Variants in PRMT3 observed in about 807,000 individuals in gnomAD.
PRMT3 encodes protein arginine methyltransferase 3, also known as protein arginine N-methyltransferase 3.
In PRMT3, 62 loss-of-function variants were observed where a neutral mutation model predicts 71.9. The observed-to-expected ratio is 0.86, with a 90% CI of 0.70 to 1.07. PRMT3 has a LOEUF of 1.07. PRMT3 is among the 50% of genes least tolerant of loss of function. The probability of loss-of-function intolerance (pLI) is 0.00; values close to 1 mark genes in which losing one functional copy is unlikely to be tolerated. For missense variants in PRMT3, 663 were observed against 643.0 expected, an observed-to-expected ratio of 1.03 and a Z score of -0.34; for synonymous variants, 213 against 220.4, an observed-to-expected ratio of 0.97 and a Z score of 0.30.
intron 10 of PRMT3, among the ~76,000 whole-genome samples, chr11:20,445,619 GATC>G (rs1253695393): frequency 6.6e-6 from 1 of 152,056 alleles, no homozygotes; most frequent in East Asian, 1.9e-4. Flanking sequence ...ACACCTGTGT[GATC>G]ATCAGCCAGG....
At chr11:20,463,893 G>A (rs1346810261) in intron 12 of PRMT3, among the ~76,000 whole-genome samples, 2 of 27,504 alleles carry the variant, frequency 7.3e-5, no homozygotes, top group African/African-American at 1.0e-4. Context: ...TTTTTTCTCT[G>A]GATCGAAATC....
In PRMT3 at chr11:20,389,819, T is replaced by TA; in HGVS notation, c.243dup (p.His82ThrfsTer4). On this transcript the variant is annotated frameshift_variant, in exon 3 of 16. Coordinates refer to ENST00000331079, the MANE Select transcript of PRMT3 (RefSeq NM_005788.4). LOFTEE classifies it high-confidence loss of function. ...AGTTTAATATTGACAGCATGGTTCA[T>TA]AAACATGGTGAGTAGTTTTTAGAAT... The TA allele has an allele frequency of 6.2e-7, 1 of 1,607,246 alleles. No individual in the cohort carries two copies. The highest frequency in any genetic ancestry group is 8.5e-7 in the Non-Finnish European group (1 of 1,174,076).
intron 7 of PRMT3, among the ~76,000 whole-genome samples, chr11:20,402,332 T>G (rs1450499449): frequency 6.6e-6 from 1 of 152,128 alleles, no homozygotes; most frequent in Non-Finnish European, 1.5e-5. Flanking sequence ...TTGGTCAGGC[T>G]GGTCTCGAAC....
intron 9 of PRMT3, among the ~76,000 whole-genome samples, chr11:20,424,183 CAAA>C (rs59351768): frequency 1.2e-4 from 13 of 110,890 alleles, no homozygotes; most frequent in East Asian, 5.2e-4. Flanking sequence ...GACGCCATCT[CAAA>C]AAAAAAAAAA....
intron 14 of PRMT3, 70 bp from the exon 15 acceptor site, chr11:20,494,097 C>A: frequency 6.7e-7 from 1 of 1,483,778 alleles, no homozygotes; most frequent in Non-Finnish European, 9.4e-7. Flanking sequence ...TGTTTGATGT[C>A]GTAGATTAAT....
chr11:20,467,891 C>T (rs1405085857), intron 13 of PRMT3, among the ~76,000 whole-genome samples: 1 of 152,190 alleles, frequency 6.6e-6, no homozygotes, highest in Non-Finnish European at 1.5e-5. Flanking sequence ...CCCATATTTA[C>T]TTCGATTCTC....
intron 8 of PRMT3, chr11:20,407,157 C>G (rs1299513275): frequency 6.6e-6 from 1 of 152,140 alleles, no homozygotes; most frequent in Non-Finnish European, 1.5e-5. Context: ...TTGATCTTCC[C>G]AGACAGTATC....
At chr11:20,399,378 AT>A (rs1302346579) in intron 7 of PRMT3, among the ~76,000 whole-genome samples, 1 of 152,166 alleles carries the variant, frequency 6.6e-6, no homozygotes, top group Non-Finnish European at 1.5e-5. Context: ...TACTAATTGC[AT>A]GTCATGGTTG....
chr11:20,420,651 C>T (rs1401788375), intron 9 of PRMT3, among the ~76,000 whole-genome samples: 2 of 152,184 alleles, frequency 1.3e-5, no homozygotes, highest in Admixed American at 6.5e-5. Flanking sequence ...AAAACCATCT[C>T]CCACCCCCAG....
chr11:20,467,572 C>T (rs1850541569), intron 13 of PRMT3, among the ~76,000 whole-genome samples: 1 of 151,898 alleles, frequency 6.6e-6, no homozygotes. Flanking sequence ...GCAAATAGTC[C>T]AGCAGTTGGA....
chr11:20,508,204 G>A, intron 15 of PRMT3, 100 bp from the exon 16 acceptor site: 3 of 564,592 alleles, frequency 5.3e-6, no homozygotes, highest in Admixed American at 3.3e-5. Flanking sequence ...TAAAAAGTGG[G>A]AAAACATCAC....
At chr11:20,425,106 T>TAA (rs35341753) in intron 9 of PRMT3, among the ~76,000 whole-genome samples, 21 of 136,578 alleles carry the variant, frequency 1.5e-4, no homozygotes, top group African/African-American at 3.5e-4. Flanking sequence ...ACCCTGTCTT[T>TAA]AAAAAAAAAA....
At chr11:20,465,290 C>T (rs1164323369) in intron 13 of PRMT3, among the ~76,000 whole-genome samples, 4 of 151,882 alleles carry the variant, frequency 2.6e-5, no homozygotes, top group Non-Finnish European at 4.4e-5. Context: ...TTACTGCTGT[C>T]AGGAGACTCA....
At chr11:20,501,376 C>T (rs1046772535) in intron 15 of PRMT3, among the ~76,000 whole-genome samples, 35 of 151,836 alleles carry the variant, frequency 2.3e-4, no homozygotes, top group African/African-American at 7.8e-4. Context: ...TTCTCCATCA[C>T]CTTGGGTAAC....
intron 13 of PRMT3, 27 bp downstream of exon 13, chr11:20,464,573 A>T (rs774337066): frequency 6.2e-7 from 1 of 1,604,322 alleles, no homozygotes; most frequent in South Asian, 1.1e-5. Flanking sequence ...TGCTTTTACA[A>T]ATTTCACTAG....
At chr11:20,413,699 CTTCT>C (rs954647814) in intron 9 of PRMT3, among the ~76,000 whole-genome samples, 49 of 151,976 alleles carry the variant, frequency 3.2e-4, no homozygotes, top group African/African-American at 1.0e-3. Flanking sequence ...ACTTTTTTGT[CTTCT>C]TTCTATTTCA....
At chr11:20,459,364 G>C (rs1271233183) in intron 11 of PRMT3, among the ~76,000 whole-genome samples, 1 of 152,174 alleles carries the variant, frequency 6.6e-6, no homozygotes, top group Admixed American at 6.6e-5. Flanking sequence ...GGCACTCCCT[G>C]AAGTAGGACC....
intron 15 of PRMT3, among the ~76,000 whole-genome samples, chr11:20,506,460 T>C (rs925798623): frequency 5.1e-5 from 7 of 138,374 alleles, no homozygotes; most frequent in Non-Finnish European, 9.7e-5. Context: ...CTTCTATTAT[T>C]TAACTCCTTA....
chr11:20,392,790 G>A (rs958557935), intron 4 of PRMT3, 107 bp from the exon 5 acceptor site: 1 of 729,212 alleles, frequency 1.4e-6, no homozygotes, highest in Admixed American at 2.4e-5. Context: ...TACTGACTTT[G>A]TGTAATGCAA....
Sources: allele counts gnomAD v4.1 joint callset (sites outside exome capture counted in the v4.1 genomes callset), GRCh38; gene constraint gnomAD v4.1.1; transcripts MANE v1.5; gene names NCBI Gene and HGNC (gene_info 2026-07-23, HGNC 2026-07-21).